CDH18: variants seen among roughly 807,000 people sequenced by gnomAD.
CDH18 encodes the protein cadherin-18.
CDH18 carries 31 observed loss-of-function variants against 67.9 expected under a neutral mutation model. The observed-to-expected ratio is 0.46, with a 90% CI of 0.34 to 0.62. CDH18 has a LOEUF of 0.62. Among genes scored for constraint, CDH18 ranks in the 20% least tolerant of loss-of-function variants. CDH18 has a pLI of 0.01. For missense variants in CDH18, 890 were observed against 975.5 expected (o/e 0.91, Z 1.17); for synonymous variants, 362 against 347.2 (o/e 1.04, Z -0.48).
chr5:19,766,948 G>A (rs780381771), intron 3 of CDH18, among the ~76,000 whole-genome samples: 34 of 151,788 alleles, frequency 2.2e-4, no homozygotes, highest in Non-Finnish European at 3.7e-4. Flanking sequence ...TCTCATTGAG[G>A]GGAGGAGCCA....
chr5:19,685,591 CCTCAGGATGGCCA>C (rs1760977559), intron 5 of CDH18, among the ~76,000 whole-genome samples: 1 of 152,114 alleles, frequency 6.6e-6, no homozygotes, highest in Admixed American at 6.6e-5. Flanking sequence ...TGGGTGGCAT[CCTCAGGATGGCCA>C]CATTTCCTCC....
At chr5:20,141,951 T>C (rs1005182549) in intron 2 of CDH18, among the ~76,000 whole-genome samples, 7 of 151,848 alleles carry the variant, frequency 4.6e-5, no homozygotes, top group African/African-American at 1.7e-4. Flanking sequence ...GAAAATAAAT[T>C]TTGAAAATGC....
At chr5:20,193,214 G>C (rs1286818078) in intron 2 of CDH18, among the ~76,000 whole-genome samples, 1 of 151,888 alleles carries the variant, frequency 6.6e-6, no homozygotes, top group Non-Finnish European at 1.5e-5. Flanking sequence ...AAAGAAGAGA[G>C]AATAATCAAA....
intron 2 of CDH18, among the ~76,000 whole-genome samples, chr5:20,190,669 A>G (rs1200880858): frequency 2.0e-5 from 3 of 152,044 alleles, no homozygotes; most frequent in African/African-American, 7.2e-5. Flanking sequence ...GATCACACTT[A>G]TTTCCGTATA....
At chr5:20,455,717 G>C (rs942588563) in intron 1 of CDH18, among the ~76,000 whole-genome samples, 14 of 151,914 alleles carry the variant, frequency 9.2e-5, no homozygotes, top group African/African-American at 3.4e-4. Context: ...TTATATTTAT[G>C]ATACTAAAAT....
At chr5:20,254,075 A>G (rs1426975354) in intron 2 of CDH18, among the ~76,000 whole-genome samples, 1 of 152,174 alleles carries the variant, frequency 6.6e-6, no homozygotes, top group Non-Finnish European at 1.5e-5. Flanking sequence ...AAACTTTACA[A>G]GCCAGAAGAG....
chr5:19,721,281 A>C lies in CDH18; in HGVS notation c.643+66T>G, dbSNP rs1447809901. 5 of 1,440,196 alleles carry C rather than the reference A, an allele frequency of 3.5e-6. No homozygotes were observed. The South Asian group carries it at 4.7e-5, about 13-fold the overall frequency. The allele number at this position is 1,440,196 out of a possible 1,614,324, so 89.2% of individuals were successfully genotyped here. A position where few individuals can be genotyped will look rare whatever the true frequency, so the allele number is the denominator to read the frequency against. On this transcript the variant is annotated intron_variant, in intron 5 of 12. Coordinates refer to ENST00000382275, the MANE Select transcript of CDH18 (RefSeq NM_004934.5). ...TAATGGAAAAGAGCATATGGAAATA[A>C]AAACCATTGCTTTGCAACTTACTGT...
intron 2 of CDH18, among the ~76,000 whole-genome samples, chr5:19,932,903 A>G (rs1255040273): frequency 2.6e-5 from 4 of 151,676 alleles, no homozygotes; most frequent in Admixed American, 6.6e-5. Flanking sequence ...ACAACTGAAA[A>G]TGACTGAAAA....
chr5:19,730,220 A>G (rs2150628913), intron 4 of CDH18, among the ~76,000 whole-genome samples: 1 of 152,276 alleles, frequency 6.6e-6, no homozygotes, highest in East Asian at 1.9e-4. Context: ...TTGACTTTTC[A>G]GTCCCTCCAT....
intron 5 of CDH18, among the ~76,000 whole-genome samples, chr5:19,630,123 G>A (rs1752196890): frequency 6.6e-6 from 1 of 151,904 alleles, no homozygotes; most frequent in African/African-American, 2.4e-5. Flanking sequence ...TTAATTTTTA[G>A]TAGAGACAGG....
intron 9 of CDH18, among the ~76,000 whole-genome samples, chr5:19,525,091 G>A (rs966487324): frequency 6.6e-6 from 1 of 152,130 alleles, no homozygotes; most frequent in Non-Finnish European, 1.5e-5. Flanking sequence ...AGCAACTCCA[G>A]TGAAGTAAGA....
chr5:20,127,246 G>C (rs552136352), intron 2 of CDH18, among the ~76,000 whole-genome samples: 3 of 151,486 alleles, frequency 2.0e-5, no homozygotes, highest in South Asian at 2.1e-4. Flanking sequence ...TGAGGACATG[G>C]TGTTTACTTC....
chr5:20,191,876 TA>T (rs1561864683), intron 2 of CDH18, among the ~76,000 whole-genome samples: 2 of 152,168 alleles, frequency 1.3e-5, no homozygotes. Context: ...ATATATCCAG[TA>T]ATGGGATTGC....
intron 6 of CDH18, among the ~76,000 whole-genome samples, chr5:19,607,158 T>C (rs1748187334): frequency 6.6e-6 from 1 of 151,466 alleles, no homozygotes; most frequent in Non-Finnish European, 1.5e-5. Flanking sequence ...TCACTAAAAA[T>C]GGGAAAATAA....
chr5:20,513,266 G>A (rs1051188231), intron 1 of CDH18, among the ~76,000 whole-genome samples: 3 of 152,076 alleles, frequency 2.0e-5, no homozygotes, highest in African/African-American at 7.2e-5. Context: ...CTCACATGTA[G>A]CTCAAACATT....
chr5:20,282,224 G>T (rs1746336908), intron 1 of CDH18, among the ~76,000 whole-genome samples: 1 of 152,190 alleles, frequency 6.6e-6, no homozygotes. Context: ...CTGCCTGACT[G>T]CCCTGGCCAG....
At chr5:19,788,668 A>G (rs1776059748) in intron 3 of CDH18, among the ~76,000 whole-genome samples, 1 of 152,198 alleles carries the variant, frequency 6.6e-6, no homozygotes, top group Admixed American at 6.5e-5. Context: ...TCCAGTACTC[A>G]AGTTATAGAA....
intron 5 of CDH18, among the ~76,000 whole-genome samples, chr5:19,700,939 C>A (rs1763161052): frequency 1.4e-5 from 2 of 143,864 alleles, no homozygotes; most frequent in African/African-American, 2.6e-5. Flanking sequence ...AGTGTGGAAA[C>A]AAAGTGAGGA....
At chr5:19,613,565 G>A (rs191645713) in intron 5 of CDH18, among the ~76,000 whole-genome samples, 1 of 152,038 alleles carries the variant, frequency 6.6e-6, no homozygotes, top group South Asian at 2.1e-4. Flanking sequence ...TGCAAAGAGG[G>A]ACGTTTAACA....
Sources: allele counts gnomAD v4.1 joint callset (sites outside exome capture counted in the v4.1 genomes callset), GRCh38; gene constraint gnomAD v4.1.1; transcripts MANE v1.5; gene names NCBI Gene and HGNC (gene_info 2026-07-23, HGNC 2026-07-21).